MGAT4C: variants seen among roughly 807,000 people sequenced by gnomAD.
MGAT4C encodes MGAT4 family member C, also known as alpha-1,3-mannosyl-glycoprotein 4-beta-N-acetylglucosaminyltransferase C.
A neutral mutation model predicts 40.1 loss-of-function variants in MGAT4C; 19 were observed. The observed-to-expected ratio is 0.47, with a 90% CI of 0.33 to 0.70. The LOEUF is 0.70. Among genes scored for constraint, MGAT4C ranks in the 30% least tolerant of loss-of-function variants. MGAT4C has a pLI of 0.02. For missense variants in MGAT4C, 491 were observed against 563.2 expected (o/e 0.87, Z 1.30); for synonymous variants, 181 against 187.1 (o/e 0.97, Z 0.27).
At chr12:86,674,382 A>G (rs547948733) in intron 2 of MGAT4C, among the ~76,000 whole-genome samples, 19 of 152,282 alleles carry the variant, frequency 1.2e-4, no homozygotes, top group Admixed American at 1.0e-3. Context: ...CATGTGCACC[A>G]TAAGATAGTT....
At chr12:86,029,550 A>G (rs765901601) in intron 2 of MGAT4C, among the ~76,000 whole-genome samples, 7 of 151,984 alleles carry the variant, frequency 4.6e-5, no homozygotes, top group Non-Finnish European at 1.0e-4. Context: ...CCTTAAAGAA[A>G]ATGTCAGACG....
intron 2 of MGAT4C, among the ~76,000 whole-genome samples, chr12:86,666,485 C>T (rs982441170): frequency 3.3e-5 from 5 of 151,842 alleles, no homozygotes; most frequent in African/African-American, 1.2e-4. Flanking sequence ...ATCACTTGCT[C>T]TTTTGAAAAA....
At chr12:86,379,396 G>C (rs1384272573) in intron 3 of MGAT4C, among the ~76,000 whole-genome samples, 3 of 152,126 alleles carry the variant, frequency 2.0e-5, no homozygotes, top group Non-Finnish European at 4.4e-5. Context: ...TAGAGCCTAT[G>C]AATATTTATT....
In MGAT4C at chr12:86,398,749, T is replaced by C. The variant is rs557637292; in HGVS notation, c.-120+36408A>G. Among the ~76,000 whole-genome samples, 27 of 151,934 alleles carry C rather than the reference T, an allele frequency of 1.8e-4. 1 individual carries two copies. The highest frequency in any genetic ancestry group is 2.4e-4 in the Non-Finnish European group (16 of 67,994). On this transcript the variant is annotated intron_variant, in intron 3 of 7. Coordinates refer to the MGAT4C transcript ENST00000548651. The stretch of plus-strand genomic sequence containing the variant: ...TAGAAACTAAAAATATATTCTAATC[T>C]TCCACCACCTTTCTGTCTTGGAGTT...
At chr12:86,288,904 T>A (rs1310850224) in intron 4 of MGAT4C, among the ~76,000 whole-genome samples, 1 of 152,224 alleles carries the variant, frequency 6.6e-6, no homozygotes, top group African/African-American at 2.4e-5. Context: ...TTGTAGAAGC[T>A]CTTTAGTTTA....
intron 2 of MGAT4C, chr12:86,727,098 T>C (rs1950834240): frequency 6.6e-6 from 1 of 152,160 alleles, no homozygotes. Flanking sequence ...TTATCATTTA[T>C]ACTGTTAAAT....
chr12:86,799,692 G>A (rs1466107834), intron 1 of MGAT4C, among the ~76,000 whole-genome samples: 1 of 151,792 alleles, frequency 6.6e-6, no homozygotes. Flanking sequence ...ATACGTGATT[G>A]TTAATGATTT....
chr12:86,215,450 C>T (rs1239591104), intron 1 of MGAT4C, among the ~76,000 whole-genome samples: 1 of 152,136 alleles, frequency 6.6e-6, no homozygotes, highest in Non-Finnish European at 1.5e-5. Context: ...AAAGGAACTG[C>T]AATCTAAATT....
At chr12:86,267,867 A>G (rs1018648490) in intron 4 of MGAT4C, among the ~76,000 whole-genome samples, 4 of 152,188 alleles carry the variant, frequency 2.6e-5, no homozygotes, top group Admixed American at 6.5e-5. Context: ...ATGTAGACGT[A>G]TCAATTGCAA....
chr12:86,825,139 G>A (rs1952781169), intron 1 of MGAT4C, among the ~76,000 whole-genome samples: 1 of 151,142 alleles, frequency 6.6e-6, no homozygotes, highest in South Asian at 2.1e-4. Context: ...TAGAAGGTAT[G>A]TACTTAATGC....
chr12:86,012,593 G>GA (rs899329753), intron 2 of MGAT4C, among the ~76,000 whole-genome samples: 14 of 150,558 alleles, frequency 9.3e-5, no homozygotes, highest in Admixed American at 2.7e-4. Flanking sequence ...ATACAAAAAA[G>GA]AAAAAAAAAT....
intron 2 of MGAT4C, among the ~76,000 whole-genome samples, chr12:86,005,091 C>T (rs1330484549): frequency 1.3e-5 from 2 of 152,160 alleles, no homozygotes; most frequent in Non-Finnish European, 2.9e-5. Flanking sequence ...ATAAAACCTG[C>T]CCCAGTCACC....
intron 1 of MGAT4C, among the ~76,000 whole-genome samples, chr12:86,162,674 T>C (rs1171389990): frequency 6.6e-6 from 1 of 152,114 alleles, no homozygotes; most frequent in African/African-American, 2.4e-5. Flanking sequence ...AATAATAGAT[T>C]ATAAAGCCTT....
intron 1 of MGAT4C, among the ~76,000 whole-genome samples, chr12:86,789,891 G>A (rs1565991974): frequency 6.6e-6 from 1 of 152,106 alleles, no homozygotes; most frequent in East Asian, 1.9e-4. Context: ...CGTACACACA[G>A]AGAGGTTAAT....
intron 2 of MGAT4C, among the ~76,000 whole-genome samples, chr12:85,993,413 G>T (rs75213517): frequency 0.025 from 3,742 of 152,232 alleles, 49 homozygotes; most frequent in East Asian, 0.051. Flanking sequence ...GAAGGGAGGA[G>T]GAAACACTTT....
intron 3 of MGAT4C, among the ~76,000 whole-genome samples, chr12:85,987,291 T>C (rs1353531942): frequency 6.6e-6 from 1 of 150,792 alleles, no homozygotes; most frequent in Non-Finnish European, 1.5e-5. Context: ...CGCCCGCCAC[T>C]ACGCCCGGCT....
chr12:86,735,443 G>A (rs1161675793), intron 1 of MGAT4C, among the ~76,000 whole-genome samples: 1 of 151,858 alleles, frequency 6.6e-6, no homozygotes, highest in African/African-American at 2.4e-5. Context: ...AAGCCAGGCA[G>A]TTCAAATCTG....
rs150326800 is a variant in MGAT4C, at chr12:86,444,811, A to G, written c.-228-9546T>C. ...CACAACTAATCTCCAGAACATTTTC[A>G]TCTTTCAGAACTGAAACTCTATACC... On this transcript the variant is annotated intron_variant, in intron 2 of 7. Transcript: ENST00000548651. Among the ~76,000 whole-genome samples the G allele has an allele frequency of 3.3e-3, 499 of 152,316 alleles. 3 individuals are homozygous for G. Among genetic ancestry groups the G allele is most frequent in the African/African-American group, 0.011 (476 of 41,560 alleles).
chr12:85,980,359 T>C lies in MGAT4C; in HGVS notation c.367A>G (p.Ile123Val), dbSNP rs776746849. ...GNYLLETIKS[I>V]FEQSSYEELK... is the part of the protein sequence containing the mutation. ...TCTTCATAGCTGGATTGCTCAAAAA[T>C]TGACTTAATTGTCTCAAGTAAATAG... The change falls in exon 5 of 5, where the codon ATT becomes GTT. Residue 123 changes from isoleucine to valine, a missense_variant. By Grantham distance (29) the Ile-to-Val change is conservative (BLOSUM62 3). Coordinates refer to ENST00000611864, the MANE Select transcript of MGAT4C (RefSeq NM_001351288.2). 3 of 1,613,434 alleles carry C rather than the reference T, an allele frequency of 1.9e-6. No homozygotes were observed. The highest frequency in any genetic ancestry group is 2.5e-6 in the Non-Finnish European group (3 of 1,179,740).
Sources: gnomAD v4.1 joint callset for allele counts (sites outside exome capture counted in the v4.1 genomes callset) on GRCh38, gnomAD v4.1.1 for gene constraint, MANE v1.5 for transcripts, NCBI Gene and HGNC (gene_info 2026-07-23, HGNC 2026-07-21) for gene names.